Variants in GDA observed in about 807,000 individuals in gnomAD.
GDA encodes the protein guanine deaminase.
In GDA, 18 loss-of-function variants were observed where a neutral mutation model predicts 59.6. That is an observed-to-expected ratio of 0.30 (90% CI 0.21 to 0.45). GDA has a LOEUF of 0.45. Ranked by LOEUF, GDA falls within the 20% of genes least tolerant of loss-of-function variation. GDA has a pLI of 1.00. For synonymous variants in GDA, 201 were observed against 201.1 expected, an observed-to-expected ratio of 1.00 and a Z score of 0.00; for missense variants, 427 against 552.3, an observed-to-expected ratio of 0.77 and a Z score of 2.27.
intron 1 of GDA, among the ~76,000 whole-genome samples, chr9:72,167,960 C>A (rs1829510182): frequency 6.6e-6 from 1 of 152,198 alleles, no homozygotes; most frequent in Non-Finnish European, 1.5e-5. Context: ...TTGCTGCTGC[C>A]ATAGGCTATA....
upstream of GDA, among the ~76,000 whole-genome samples, chr9:72,145,577 C>A (rs1031169284): frequency 6.6e-6 from 1 of 152,184 alleles, no homozygotes; most frequent in African/African-American, 2.4e-5. Flanking sequence ...TAATTACATT[C>A]ATGAGATGAG....
chr9:72,239,356 A>G (rs1435216744), intron 10 of GDA, among the ~76,000 whole-genome samples: 4 of 152,170 alleles, frequency 2.6e-5, no homozygotes, highest in Non-Finnish European at 5.9e-5. Flanking sequence ...GCATAGCATT[A>G]TTTCCTAATT....
At chr9:72,196,146 A>T (rs532909969) in intron 2 of GDA, among the ~76,000 whole-genome samples, 100 of 151,640 alleles carry the variant, frequency 6.6e-4, no homozygotes, top group Non-Finnish European at 1.2e-3. Context: ...TATATTTCAT[A>T]TATAATATAT....
chr9:72,190,767 T>C (rs1662026041), intron 1 of GDA, among the ~76,000 whole-genome samples: 1 of 152,088 alleles, frequency 6.6e-6, no homozygotes, highest in African/African-American at 2.4e-5. Flanking sequence ...TGTAGTAAAA[T>C]ATCTGTACAT....
intron 1 of GDA, among the ~76,000 whole-genome samples, chr9:72,127,364 C>T (rs764942897): frequency 7.2e-5 from 11 of 151,992 alleles, no homozygotes; most frequent in Non-Finnish European, 1.5e-4. Context: ...CTGGGCTGGG[C>T]GCGGTGGCTC....
intron 1 of GDA, among the ~76,000 whole-genome samples, chr9:72,134,629 C>G (rs965603891): frequency 1.3e-5 from 2 of 152,100 alleles, no homozygotes; most frequent in African/African-American, 4.8e-5. Flanking sequence ...GCCTGGAACT[C>G]CTGACCTCAG....
intron 3 of GDA, among the ~76,000 whole-genome samples, chr9:72,206,751 G>A (rs968474686): frequency 1.3e-5 from 2 of 152,048 alleles, no homozygotes; most frequent in Non-Finnish European, 2.9e-5. Flanking sequence ...TAGTCTGGGT[G>A]ACAGAGTGAG....
intron 11 of GDA, among the ~76,000 whole-genome samples, chr9:72,243,441 G>C (rs1349667895): frequency 1.3e-5 from 2 of 152,292 alleles, no homozygotes; most frequent in East Asian, 3.9e-4. Context: ...CAGTAATTCA[G>C]TTTAATTCAG....
At chr9:72,153,423 G>C (rs372568683) in intron 1 of GDA, among the ~76,000 whole-genome samples, 3 of 151,108 alleles carry the variant, frequency 2.0e-5, no homozygotes, top group African/African-American at 7.3e-5. Context: ...TCAGTGTGGC[G>C]ATTCCTCAGG....
At chr9:72,174,550 A>G (rs1406403923) in intron 1 of GDA, among the ~76,000 whole-genome samples, 1 of 152,138 alleles carries the variant, frequency 6.6e-6, no homozygotes. Context: ...TGTGTATGGA[A>G]CCACTGTCAT....
chr9:72,219,483 G>T lies in GDA; in HGVS notation c.583G>T (p.Val195Leu), dbSNP rs757502665. 44 of 1,594,532 alleles carry T rather than the reference G, an allele frequency of 2.8e-5. No individual in the cohort carries two copies. Among genetic ancestry groups the T allele is most frequent in the Non-Finnish European group, 3.8e-5 (44 of 1,167,948 alleles). Residue 195 changes from valine to leucine, a missense_variant, in exon 6 of 14, where the codon GTG becomes TTG. Val to Leu is a conservative substitution (Grantham distance 32, BLOSUM62 1). Transcript: ENST00000358399. ...EESIKETERF[V>L]SEMLQKNYSR... ...CCATTTGTTGCTTTATTTCAGATTT[G>T]TGTCAGAAATGCTCCAAAAGAACGT...
chr9:72,173,553 A>C (rs917358123), intron 1 of GDA, among the ~76,000 whole-genome samples: 3 of 151,140 alleles, frequency 2.0e-5, no homozygotes, highest in Non-Finnish European at 4.4e-5. Context: ...CTGGTCTCAA[A>C]CTCCTGACCT....
chr9:72,118,324 A>G (rs1393678125), intron 1 of GDA, among the ~76,000 whole-genome samples: 1 of 151,918 alleles, frequency 6.6e-6, no homozygotes, highest in Non-Finnish European at 1.5e-5. Context: ...ATTCAAAGAA[A>G]GAAAATTAAT....
chr9:72,118,273 CAAAAAAA>C (rs373179585), intron 1 of GDA, among the ~76,000 whole-genome samples: 66 of 66,156 alleles, frequency 1.0e-3, no homozygotes, highest in African/African-American at 4.3e-3. Flanking sequence ...GACTCCACCT[CAAAAAAA>C]AAAAAAAAAA....
intron 1 of GDA, among the ~76,000 whole-genome samples, chr9:72,156,194 G>A (rs374239132): frequency 3.3e-5 from 5 of 152,330 alleles, no homozygotes; most frequent in African/African-American, 1.2e-4. Context: ...CCAGTGATAG[G>A]AAAAGCTTCT....
At chr9:72,183,029 T>C (rs556687272) in intron 1 of GDA, among the ~76,000 whole-genome samples, 1 of 152,314 alleles carries the variant, frequency 6.6e-6, no homozygotes, top group East Asian at 1.9e-4. Context: ...CACAAAATTA[T>C]GTTCTAGATT....
At chr9:72,186,214 A>AT (rs905370666) in intron 1 of GDA, among the ~76,000 whole-genome samples, 2 of 152,024 alleles carry the variant, frequency 1.3e-5, no homozygotes, top group East Asian at 1.9e-4. Flanking sequence ...TGCTTTCCAA[A>AT]TTTTTTTTAG....
intron 1 of GDA, among the ~76,000 whole-genome samples, chr9:72,126,937 G>T (rs1038954483): frequency 6.6e-6 from 1 of 151,898 alleles, no homozygotes; most frequent in African/African-American, 2.4e-5. Flanking sequence ...AGAGTATCTG[G>T]TGCCATCCTT....
chr9:72,242,158 T>C (rs1157039912), intron 11 of GDA, among the ~76,000 whole-genome samples: 1 of 152,204 alleles, frequency 6.6e-6, no homozygotes, highest in Non-Finnish European at 1.5e-5. Flanking sequence ...ATCCACCTAA[T>C]CTGATGCCAG....
Sources: gnomAD v4.1 joint callset for allele counts (sites outside exome capture counted in the v4.1 genomes callset) on GRCh38, gnomAD v4.1.1 for gene constraint, MANE v1.5 for transcripts, NCBI Gene and HGNC (gene_info 2026-07-23, HGNC 2026-07-21) for gene names.